COL4A4: variants seen among roughly 807,000 people sequenced by gnomAD.
COL4A4 encodes collagen type IV alpha 4 chain.
A neutral mutation model predicts 192.9 loss-of-function variants in COL4A4; 105 were observed. That is an observed-to-expected ratio of 0.54 (90% CI 0.46 to 0.64). The LOEUF (loss-of-function observed/expected upper bound fraction) is 0.64. Ranked by LOEUF, COL4A4 falls within the 30% of genes least tolerant of loss-of-function variation. The pLI is 0.00. For missense variants in COL4A4, 1,967 were observed against 2,169.3 expected (o/e 0.91, Z 1.85); for synonymous variants, 762 against 769.9 (o/e 0.99, Z 0.17).
rs767862394 is a variant in COL4A4 at position 227,108,613 on chromosome 2, C to T, written c.703G>A (p.Gly235Ser). Residue 235 changes from glycine to serine, a missense_variant, in exon 12 of 48, where the codon GGT (glycine) becomes AGT (serine). Coordinates refer to ENST00000396625, the MANE Select transcript of COL4A4 (RefSeq NM_000092.5). ...PGRPGLKGNP[G>S]VGVKGQMGDP... Reference sequence around the variant, plus strand: ...CCCATTTGCCCCTTTACTCCCACACCGGGATTTCCCTGAGAAAGAAATGAA... The same window carrying T: ...CCCATTTGCCCCTTTACTCCCACACTGGGATTTCCCTGAGAAAGAAATGAA... The T allele has an allele frequency of 2.6e-5, 42 of 1,613,854 alleles. No homozygotes were observed. The highest frequency in any genetic ancestry group is 6.7e-5 in the East Asian group (3 of 44,888).
upstream of COL4A4, chr2:227,164,297 C>CTCCCCACCGCGCAGCCACT (rs1217943807): frequency 2.4e-4 from 65 of 270,206 alleles, no homozygotes; most frequent in African/African-American, 1.5e-3. The surrounding 1 kb of genome is among the most constrained non-coding windows in gnomAD (Gnocchi z 4.8). Flanking sequence ...GCGCAGCCAC[C>CTCCCCACCGCGCAGCCACT]TCCCCACCGC....
rs111294174 is a variant in COL4A4 at position 227,047,282 on chromosome 2, T to C, written c.3289+193A>G. On this transcript the variant is annotated intron_variant, in intron 35 of 47. Coordinates refer to ENST00000396625, the MANE Select transcript of COL4A4 (RefSeq NM_000092.5). ...GAAAAATGATTGTGAATCCCTAGTATGTAACCCTGGTGTTCTTCTAGGCCA... is the reference window on the plus strand; with the variant it reads ...GAAAAATGATTGTGAATCCCTAGTACGTAACCCTGGTGTTCTTCTAGGCCA... Among the ~76,000 whole-genome samples the C allele has an allele frequency of 3.1e-3, 474 of 151,488 alleles. 1 individual carries two copies. The highest frequency in any genetic ancestry group is 5.9e-3 in the Non-Finnish European group (398 of 68,016).
intron 31 of COL4A4, among the ~76,000 whole-genome samples, chr2:227,052,843 A>G (rs1300844349): frequency 1.3e-5 from 2 of 152,100 alleles, no homozygotes; most frequent in East Asian, 1.9e-4. Context: ...ACTTATCTCA[A>G]TGTGGTACCC....
At chr2:226,968,726 A>G in the COL4A4 span, among the ~76,000 whole-genome samples, 2 of 152,182 alleles carry the variant, frequency 1.3e-5, no homozygotes, top group African/African-American at 4.8e-5. Context: ...TTGGCATTCT[A>G]GAGGGGGTGA....
At chr2:227,116,562 T>C (rs1200238910) in intron 7 of COL4A4, among the ~76,000 whole-genome samples, 1 of 152,080 alleles carries the variant, frequency 6.6e-6, no homozygotes, top group African/African-American at 2.4e-5. Context: ...AATCGGCCAA[T>C]AATGATGAAA....
rs187398765 is a variant in COL4A4, at chr2:227,124,105, A to G, written c.193-2957T>C. ...AATTGTTAAAGGAGAAAAACAAGCC[A>G]CAGAATAGTATGTCATATAATCCCA... On this transcript the variant is annotated intron_variant, in intron 4 of 47. Coordinates refer to ENST00000396625, the MANE Select transcript of COL4A4 (RefSeq NM_000092.5). Among the ~76,000 whole-genome samples the G allele has an allele frequency of 1.8e-4, 28 of 152,330 alleles. No individual in the cohort carries two copies. In the East Asian group the frequency reaches 4.8e-3, roughly 26 times the overall value.
the COL4A4 span, among the ~76,000 whole-genome samples, chr2:226,979,802 C>T: frequency 6.6e-6 from 1 of 152,224 alleles, no homozygotes; most frequent in Non-Finnish European, 1.5e-5. Flanking sequence ...ATCTAGTCAT[C>T]CCTCAAGCCA....
At chr2:227,138,127 C>T (rs2062938800) in intron 4 of COL4A4, among the ~76,000 whole-genome samples, 1 of 125,982 alleles carries the variant, frequency 7.9e-6, no homozygotes, top group South Asian at 2.3e-4. Context: ...AAGACTCCAC[C>T]TCTACAAATA....
downstream of COL4A4, chr2:226,998,315 A>G (rs1167798270): frequency 2.0e-5 from 3 of 152,106 alleles, no homozygotes; most frequent in African/African-American, 4.8e-5. Flanking sequence ...GATCCTGTCT[A>G]TCTATTTGGC....
chr2:226,980,310 G>A, the COL4A4 span, among the ~76,000 whole-genome samples: 3 of 152,068 alleles, frequency 2.0e-5, no homozygotes, highest in Admixed American at 6.5e-5. Flanking sequence ...CCCTACTCTC[G>A]TTCCCCACCA....
At chr2:226,969,459 G>A in the COL4A4 span, among the ~76,000 whole-genome samples, 4 of 147,710 alleles carry the variant, frequency 2.7e-5, no homozygotes, top group East Asian at 6.0e-4. Context: ...TAGGGGTGAA[G>A]GAGAGTCATT....
At chr2:226,980,443 T>C in the COL4A4 span, among the ~76,000 whole-genome samples, 1 of 152,274 alleles carries the variant, frequency 6.6e-6, no homozygotes, top group East Asian at 1.9e-4. Context: ...TGTGGTTCTG[T>C]GCCTCTTAGC....
chr2:227,043,371 C>A (rs1187711885), intron 35 of COL4A4, among the ~76,000 whole-genome samples, 187 bp from the exon 36 acceptor site: 1 of 152,158 alleles, frequency 6.6e-6, no homozygotes, highest in Non-Finnish European at 1.5e-5. Flanking sequence ...CAGCTTAACA[C>A]AATTCTTCAT....
rs1370874098 is a variant in COL4A4 at position 227,092,793 on chromosome 2, T to C, written c.1369+1332A>G. 4.6e-5 allele frequency among the ~76,000 whole-genome samples: 7 copies of C among 152,308 alleles called. No homozygotes were observed. In the East Asian group the frequency reaches 7.7e-4, roughly 17 times the overall value. On this transcript the variant is annotated intron_variant, in intron 20 of 47. Coordinates refer to ENST00000396625, the MANE Select transcript of COL4A4 (RefSeq NM_000092.5). ...CAAAATTATGACAATAATTGTATTG[T>C]AGTTTGTGGGAGTAGAAAATGTGCA...
At chr2:227,033,055 T>A (rs1163972818) in intron 38 of COL4A4, among the ~76,000 whole-genome samples, 2 of 152,214 alleles carry the variant, frequency 1.3e-5, no homozygotes, top group African/African-American at 4.8e-5. Flanking sequence ...AACATAGCAT[T>A]ACTATACTTA....
intron 44 of COL4A4, among the ~76,000 whole-genome samples, chr2:227,018,644 T>C (rs1451677699): frequency 6.6e-6 from 1 of 152,110 alleles, no homozygotes; most frequent in Non-Finnish European, 1.5e-5. Context: ...GAGAAGGCGA[T>C]GCTTCACCAG....
At position 227,051,009 on chromosome 2, in the gene COL4A4, A is replaced by G. The variant is rs1478442466; in HGVS notation, c.3118T>C (p.Phe1040Leu). 4.3e-6 allele frequency: 7 copies of G among 1,614,094 alleles called. No homozygotes were observed. The highest frequency in any genetic ancestry group is 5.9e-6 in the Non-Finnish European group (7 of 1,180,014). The change falls in exon 33 of 48, where the codon TTC becomes CTC. Residue 1040 changes from phenylalanine to leucine, a missense_variant. Physicochemically the swap from Phe to Leu is conservative, Grantham distance 22 (BLOSUM62 0). Coordinates refer to ENST00000396625, the MANE Select transcript of COL4A4 (RefSeq NM_000092.5). The stretch of plus-strand genomic sequence containing the variant: ...CCTGGAAGTCCTGGAAAACCAATGA[A>G]CCCTCTTAGACCAGTTGAGCCTGGA... Reference protein sequence around the residue: ...GPPGSTGLRGFIGFPGLPGDQ... With the variant: ...GPPGSTGLRGLIGFPGLPGDQ...
chr2:226,997,532 G>C, the COL4A4 span: 1 of 152,166 alleles, frequency 6.6e-6, no homozygotes, highest in African/African-American at 2.4e-5. Flanking sequence ...AACCCCAAAG[G>C]CTCACGATAG....
chr2:227,043,295 A>G, intron 35 of COL4A4, 111 bp from the exon 36 acceptor site: 2 of 892,760 alleles, frequency 2.2e-6, no homozygotes, highest in Non-Finnish European at 3.7e-6. Context: ...TTAGTTTTAA[A>G]TAGTTTCTAT....
Sources: gnomAD v4.1 joint callset for allele counts (sites outside exome capture counted in the v4.1 genomes callset) on GRCh38, gnomAD v4.1.1 for gene constraint, Gnocchi (gnomAD v3.1) non-coding constraint, MANE v1.5 for transcripts, NCBI Gene and HGNC (gene_info 2026-07-23, HGNC 2026-07-21) for gene names.